CDYL: variants seen among roughly 807,000 people sequenced by gnomAD.
The protein encoded by CDYL is chromodomain Y like.
A neutral mutation model predicts 47.3 loss-of-function variants in CDYL; 8 were observed. The ratio of observed to expected loss-of-function variants is 0.17; its 90% CI spans 0.10 to 0.31. The LOEUF (loss-of-function observed/expected upper bound fraction) is 0.31, where lower values mean the gene tolerates loss of function less well. Ranked by LOEUF, CDYL falls within the 10% of genes least tolerant of loss-of-function variation. CDYL has a pLI of 1.00. For missense variants in CDYL, 471 were observed against 701.4 expected (o/e 0.67, Z 3.71); for synonymous variants, 266 against 265.0 (o/e 1.00, Z -0.04).
chr6:4,869,084 G>A (rs1430603131), intron 1 of CDYL, among the ~76,000 whole-genome samples: 3 of 150,904 alleles, frequency 2.0e-5, no homozygotes, highest in African/African-American at 7.3e-5. Context: ...AATCTGATCT[G>A]ATCATTTCTT....
At chr6:4,949,569 C>G (rs2127528571) in intron 5 of CDYL, among the ~76,000 whole-genome samples, 1 of 152,344 alleles carries the variant, frequency 6.6e-6, no homozygotes, top group Middle Eastern at 3.4e-3. Flanking sequence ...ACAACTTTGA[C>G]CACATCATGG....
At chr6:4,837,605 C>T (rs1023158342) in intron 1 of CDYL, among the ~76,000 whole-genome samples, 7 of 151,540 alleles carry the variant, frequency 4.6e-5, no homozygotes, top group Non-Finnish European at 8.8e-5. Context: ...TCTGGGATTA[C>T]AGGCGAGTGT....
intron 3 of CDYL, among the ~76,000 whole-genome samples, chr6:4,765,682 G>A (rs1156425017): frequency 6.6e-6 from 1 of 151,782 alleles, no homozygotes. Context: ...TCTTGCCTCG[G>A]CCTCCCATGT....
At chr6:4,920,265 G>A (rs1757673964) in intron 2 of CDYL, among the ~76,000 whole-genome samples, 1 of 152,178 alleles carries the variant, frequency 6.6e-6, no homozygotes, top group Non-Finnish European at 1.5e-5. Context: ...TTGCACAATA[G>A]CGTGAATGTG....
At chr6:4,766,020 T>C (rs575156430) in intron 3 of CDYL, among the ~76,000 whole-genome samples, 3 of 152,140 alleles carry the variant, frequency 2.0e-5, no homozygotes, top group African/African-American at 4.8e-5. Flanking sequence ...AATATACCCA[T>C]GGCAGGACTG....
intron 2 of CDYL, among the ~76,000 whole-genome samples, chr6:4,731,802 CAGAG>C (rs1011899240): frequency 6.7e-6 from 1 of 150,286 alleles, no homozygotes; most frequent in Non-Finnish European, 1.5e-5. Flanking sequence ...GCCTGAGTGA[CAGAG>C]AAAGACTCTG....
chr6:4,710,333 G>A (rs79465005), intron 1 of CDYL, among the ~76,000 whole-genome samples: 3,005 of 142,004 alleles, frequency 0.021, 44 homozygotes, highest in Middle Eastern at 0.066. Context: ...GGAAAGAAAG[G>A]AGGAAGGGAG....
chr6:4,911,408 A>G (rs144606709), intron 2 of CDYL, among the ~76,000 whole-genome samples: 3 of 152,358 alleles, frequency 2.0e-5, no homozygotes, highest in African/African-American at 7.2e-5. Context: ...CCGTAGAAGT[A>G]TAACTGTGCA....
In CDYL at chr6:4,953,889, C is replaced by T; in HGVS notation, c.1477-9C>T. On this transcript the variant is annotated splice_polypyrimidine_tract_variant and intron_variant, in intron 6 of 6. Transcript: ENST00000397588. ...ACCCTGCTAACTGGCTGCTTGTTTTCCGGTGCAGGTGCTTGAGGAATCCAA... is the reference window on the plus strand; with the variant it reads ...ACCCTGCTAACTGGCTGCTTGTTTTTCGGTGCAGGTGCTTGAGGAATCCAA... 2 of 1,608,490 alleles carry T rather than the reference C, an allele frequency of 1.2e-6. No homozygotes were observed. Among genetic ancestry groups the T allele is most frequent in the Non-Finnish European group, 8.5e-7 (1 of 1,177,136 alleles).
intron 1 of CDYL, among the ~76,000 whole-genome samples, chr6:4,845,799 T>G (rs1760637742): frequency 6.6e-6 from 1 of 152,142 alleles, no homozygotes; most frequent in Non-Finnish European, 1.5e-5. Context: ...GCTGAAAACG[T>G]AAAAACCATT....
At chr6:4,904,920 A>G (rs1299060084) in intron 2 of CDYL, among the ~76,000 whole-genome samples, 1 of 151,952 alleles carries the variant, frequency 6.6e-6, no homozygotes, top group Non-Finnish European at 1.5e-5. Context: ...CACAGAGTCC[A>G]TGCACTGAAA....
chr6:4,759,876 T>A (rs545057857), intron 3 of CDYL, among the ~76,000 whole-genome samples: 542 of 7,522 alleles, frequency 0.072, 8 homozygotes, highest in South Asian at 0.17. Context: ...AGAAACTCCA[T>A]CTCAAAAAAA....
chr6:4,823,499 A>G (rs915821995), intron 1 of CDYL, among the ~76,000 whole-genome samples: 2 of 152,216 alleles, frequency 1.3e-5, no homozygotes, highest in African/African-American at 4.8e-5. Context: ...AACATTTGCC[A>G]TTATAACAAT....
rs564769254 is a variant in CDYL, at chr6:4,882,187, G to A, written c.25-9526G>A. On this transcript the variant is annotated intron_variant, in intron 1 of 6. Coordinates refer to ENST00000397588, the MANE Select transcript of CDYL (RefSeq NM_004824.4). ...CAAGAGTCTCTTGTCGTCTGTGAGC[G>A]TTCTTGAAATTGTGGCAAGCTCACT... Among the ~76,000 whole-genome samples, 2 of 152,284 alleles carry A rather than the reference G, an allele frequency of 1.3e-5. 1 individual carries two copies. The highest frequency in any genetic ancestry group is 4.8e-5 in the African/African-American group (2 of 41,554).
intron 2 of CDYL, among the ~76,000 whole-genome samples, chr6:4,929,595 GCA>G (rs1205719454): frequency 6.6e-6 from 1 of 151,568 alleles, no homozygotes; most frequent in African/African-American, 2.4e-5. Context: ...GTCCTACAGG[GCA>G]CTCAGGTTCA....
intron 1 of CDYL, among the ~76,000 whole-genome samples, chr6:4,864,091 T>G (rs1253141686): frequency 6.6e-6 from 1 of 152,170 alleles, no homozygotes; most frequent in Non-Finnish European, 1.5e-5. Context: ...ACAGTAATCA[T>G]AGAAGTATGA....
chr6:4,732,671 AAAG>A lies in CDYL; in HGVS notation c.104-2089_104-2087del, dbSNP rs1243098310. On this transcript the variant is annotated intron_variant, in intron 2 of 8. Transcript: ENST00000328908. The stretch of plus-strand genomic sequence containing the variant: ...GAGAGAGATCCTGTTTTTTAAAAAA[AAAG>A]AGGGGGGGATTGGGGGGGAATTCTC... 1.6e-3 allele frequency among the ~76,000 whole-genome samples: 234 copies of A among 150,334 alleles called. 3 individuals are homozygous for A. Among genetic ancestry groups the A allele is most frequent in the African/African-American group, 5.1e-3 (209 of 40,782 alleles).
At chr6:4,907,714 T>C (rs1051212227) in intron 2 of CDYL, among the ~76,000 whole-genome samples, 1 of 152,208 alleles carries the variant, frequency 6.6e-6, no homozygotes, top group African/African-American at 2.4e-5. Context: ...TCAAAACTGA[T>C]CGCAAAACCG....
At chr6:4,706,949 A>C (rs1343989161) in intron 1 of CDYL, among the ~76,000 whole-genome samples, 1 of 152,198 alleles carries the variant, frequency 6.6e-6, no homozygotes, top group African/African-American at 2.4e-5. Context: ...CAGAATGGTG[A>C]AAGCAATGCT....
Sources: allele counts gnomAD v4.1 joint callset (sites outside exome capture counted in the v4.1 genomes callset), GRCh38; gene constraint gnomAD v4.1.1; transcripts MANE v1.5; gene names NCBI Gene and HGNC (gene_info 2026-07-23, HGNC 2026-07-21).